Variants in HDAC10 observed in about 807,000 individuals in gnomAD.
HDAC10 encodes the protein histone deacetylase 10.
In HDAC10, 90 loss-of-function variants were observed where a neutral mutation model predicts 82.3. The observed-to-expected ratio is 1.09, with a 90% confidence interval of 0.92 to 1.30. The LOEUF (loss-of-function observed/expected upper bound fraction) is 1.30. Ranked by LOEUF, HDAC10 falls within the 50% of genes most tolerant of loss-of-function variation. HDAC10 has a pLI of 0.00. For synonymous variants in HDAC10, 456 were observed against 391.7 expected (o/e 1.16, Z -1.94); for missense variants, 934 against 876.3 (o/e 1.07, Z -0.83).
At chr22:50,247,136 A>T (rs75212676) in intron 14 of HDAC10, 170 bp from the exon 15 acceptor site, 30 of 453,406 alleles carry the variant, frequency 6.6e-5, no homozygotes, top group Non-Finnish European at 1.0e-4. Context: ...TTACGTCTAT[A>T]ATTTTTTTTT....
chr22:50,250,424 C>G lies in HDAC10; in HGVS notation c.291+3G>C. On this transcript the variant is annotated splice_donor_region_variant and intron_variant, in intron 3 of 19. Transcript: ENST00000216271. ...ACAGGTGAGTGTGTCCGGGGACACG[C>G]ACCGGGTGGAAGTAGATGGCGTCGA... The G allele has an allele frequency of 6.2e-7, 1 of 1,612,684 alleles. No individual in the cohort carries two copies.
In HDAC10 at chr22:50,249,608, A is replaced by T. The variant is rs780700804; in HGVS notation, c.563+27T>A. 2.5e-6 allele frequency: 4 copies of T among 1,612,194 alleles called. No homozygotes were observed. Among genetic ancestry groups the T allele is most frequent in the Non-Finnish European group, 3.4e-6 (4 of 1,179,436 alleles). The stretch of plus-strand genomic sequence containing the variant: ...GCACCCAAAAACTGGGGCTGCAGGG[A>T]AGGGTGGTTTCCGCACCCCTGCTCA... On this transcript the variant is annotated intron_variant, in intron 6 of 19. Transcript: ENST00000216271. The surrounding 1 kb of genome is among the most constrained non-coding windows in gnomAD (Gnocchi z 4.4).
intron 16 of HDAC10, 23 bp from the exon 17 acceptor site, chr22:50,246,399 G>A: frequency 1.3e-6 from 2 of 1,595,062 alleles, no homozygotes; most frequent in East Asian, 2.2e-5. Context: ...AGGTGCATAA[G>A]TGTAAGGCCC....
In HDAC10 at chr22:50,246,351, C is replaced by A. The variant is rs745469522; in HGVS notation, c.1597G>T (p.Gly533Cys). Residue 533 changes from glycine (G) to cysteine (C), a missense_variant, in exon 17 of 20, where the codon GGC becomes TGC. Coordinates refer to ENST00000216271, the MANE Select transcript of HDAC10 (RefSeq NM_032019.6). ...ATGGATAGGGCAGCCGCCTCCTTGC[C>A]CCTGATGTTCAGCCACAGACTCCTC... ...DGRSLWLNIR[G>C]KEAAALSMFH... 2 of 1,612,878 alleles carry A rather than the reference C, an allele frequency of 1.2e-6. No homozygotes were observed. The highest frequency in any genetic ancestry group is 3.3e-5 in the Admixed American group (2 of 60,030).
Position 50,249,999 on chromosome 22 carries a change from G to C in HDAC10, c.390-35C>G. On this transcript the variant is annotated intron_variant, in intron 4 of 19. Transcript: ENST00000216271. The surrounding 1 kb of genome is among the most constrained non-coding windows in gnomAD (Gnocchi z 4.4). ...GAGAGTAGGATTTGGGTCACGTCAG[G>C]GTCGCCCTGGCCCCTCACAGGGCCA... is the stretch of plus-strand genomic sequence containing the variant. 6.2e-7 allele frequency: 1 copy of C among 1,609,502 alleles called. No individual in the cohort carries two copies. The highest frequency in any genetic ancestry group is 8.5e-7 in the Non-Finnish European group (1 of 1,177,090).
At chr22:50,247,137 ATTTT>A (rs35992238) in intron 14 of HDAC10, 171 bp from the exon 15 acceptor site, 50 of 379,538 alleles carry the variant, frequency 1.3e-4, no homozygotes, top group Middle Eastern at 7.0e-4. Flanking sequence ...TACGTCTATA[ATTTT>A]TTTTTTTTTT....
At chr22:50,247,649 C>A (rs766876216) in intron 14 of HDAC10, 43 bp downstream of exon 14, 24 of 1,440,286 alleles carry the variant, frequency 1.7e-5, no homozygotes, top group Non-Finnish European at 2.3e-5. Flanking sequence ...TGGTCCCTGC[C>A]CCTAGGTCCA....
In HDAC10 at chr22:50,246,984, A is replaced by C. The variant is rs1219147724; in HGVS notation, c.1423-18T>G. 1 of 1,550,042 alleles carries C rather than the reference A, an allele frequency of 6.5e-7. No individual in the cohort carries two copies. The highest frequency in any genetic ancestry group is 8.8e-7 in the Non-Finnish European group (1 of 1,136,010). ...CTGTTCACCTGTGGGATGAATAAAC[A>C]GTGGAGAATGAGGCACCAACCAACT... On this transcript the variant is annotated intron_variant, in intron 14 of 19. Coordinates refer to ENST00000216271, the MANE Select transcript of HDAC10 (RefSeq NM_032019.6).
Position 50,246,096 on chromosome 22 carries a change from T to C in HDAC10, c.1651-4A>G, listed in dbSNP as rs1476443775. Reference sequence around the variant, plus strand: ...AGCTCAGGAAACCACCGGTCATCTGTGGGGACAGCAGAGCCCAGCTCCTCA... The same window carrying C: ...AGCTCAGGAAACCACCGGTCATCTGCGGGGACAGCAGAGCCCAGCTCCTCA... On this transcript the variant is annotated splice_region_variant and splice_polypyrimidine_tract_variant and intron_variant, in intron 17 of 19. Transcript: ENST00000216271. 1 of 1,600,310 alleles carries C rather than the reference T, an allele frequency of 6.2e-7. No individual in the cohort carries two copies. The highest frequency in any genetic ancestry group is 1.1e-5 in the South Asian group (1 of 89,964).
In HDAC10 at chr22:50,247,756, C is replaced by G; in HGVS notation, c.1358G>C (p.Arg453Pro). 6.2e-7 allele frequency: 1 copy of G among 1,608,148 alleles called. No individual in the cohort carries two copies. Among genetic ancestry groups the G allele is most frequent in the Non-Finnish European group, 8.5e-7 (1 of 1,176,064 alleles). The stretch of plus-strand genomic sequence containing the variant: ...CCCAAGTGCAGTGAGGGCCTCCTCC[C>G]GGGCCAGGGACTCGTGTGGCCTGTG... ...AWARPHESLA[R>P]EEALTALGKL... Residue 453 changes from arginine (R) to proline (P), a missense_variant, in exon 14 of 20, where the codon CGG (arginine) becomes CCG (proline). Coordinates refer to ENST00000216271, the MANE Select transcript of HDAC10 (RefSeq NM_032019.6).
chr22:50,250,767 T>C lies in HDAC10; in HGVS notation c.194+4A>G. 6.3e-7 allele frequency: 1 copy of C among 1,592,460 alleles called. No homozygotes were observed. Among genetic ancestry groups the C allele is most frequent in the Non-Finnish European group, 8.5e-7 (1 of 1,170,466 alleles). On this transcript the variant is annotated splice_donor_region_variant and intron_variant, in intron 2 of 19. Coordinates refer to ENST00000216271, the MANE Select transcript of HDAC10 (RefSeq NM_032019.6). ...CCCATCGTGGGGCCTGCCCCCGTCC[T>C]GACCTGTGCACCAGGCCCAGCTCCT...
chr22:50,250,988 C>G lies in HDAC10; in HGVS notation c.45G>C (p.Arg15=). Residue 15 remains arginine (R), a synonymous_variant, in exon 1 of 20, where the codon CGG becomes CGC. Transcript: ENST00000216271. ...GTCCCACTTACTCGTCCCAGAGCAGCCGGGTGGCCGTCATGTCCTCATGGT... is the reference window on the plus strand; with the variant it reads ...GTCCCACTTACTCGTCCCAGAGCAGGCGGGTGGCCGTCATGTCCTCATGGT... ...LVYHEDMTAT[R]LLWDDPECEI... 6.2e-7 allele frequency: 1 copy of G among 1,612,588 alleles called. No homozygotes were observed. The highest frequency in any genetic ancestry group is 1.3e-5 in the African/African-American group (1 of 75,062).
At chr22:50,247,625 T>G in intron 14 of HDAC10, 67 bp downstream of exon 14, 1 of 1,156,536 alleles carries the variant, frequency 8.6e-7, no homozygotes, top group Non-Finnish European at 1.2e-6. Context: ...AGGCCACATC[T>G]CGTTGGCAGG....
Position 50,246,292 on chromosome 22 carries a change from A to G in HDAC10, c.1650+6T>C. ...ACCTGCCTTGCCGCGTGGCATGGTC[A>G]CTCACCACTGGCAGTGGCGTGGAGA... On this transcript the variant is annotated splice_donor_region_variant and intron_variant, in intron 17 of 19. Coordinates refer to ENST00000216271, the MANE Select transcript of HDAC10 (RefSeq NM_032019.6). 1.2e-6 allele frequency: 2 copies of G among 1,610,090 alleles called. No individual in the cohort carries two copies. The highest frequency in any genetic ancestry group is 1.7e-6 in the Non-Finnish European group (2 of 1,177,310).
At position 50,250,093 on chromosome 22, in the gene HDAC10, C is replaced by T; in HGVS notation, c.359G>A (p.Gly120Glu). Reference sequence around the variant, plus strand: ...CAGGGCAAGCCCATTTTGCACAGCTCCAGTGAGCACAGCGTCCACCAGCTG... The same window carrying T: ...CAGGGCAAGCCCATTTTGCACAGCTTCAGTGAGCACAGCGTCCACCAGCTG... ...GLQLVDAVLT[G>E]AVQNGLALVR... Residue 120 changes from glycine to glutamate, a missense_variant, in exon 4 of 20, where the codon GGA becomes GAA. Gly to Glu is a moderately conservative substitution (Grantham distance 98). Transcript: ENST00000216271. 1 of 1,612,754 alleles carries T rather than the reference C, an allele frequency of 6.2e-7. No individual in the cohort carries two copies. Among genetic ancestry groups the T allele is most frequent in the South Asian group, 1.1e-5 (1 of 91,088 alleles).
chr22:50,245,210 C>T lies in HDAC10; in HGVS notation c.*297G>A. On this transcript the variant is annotated 3_prime_UTR_variant, in exon 20 of 20. Coordinates refer to ENST00000216271, the MANE Select transcript of HDAC10 (RefSeq NM_032019.6). ...TCGTTTGAGCGATGTTTACTAACGG[C>T]GCAAGGGCGGGGAGCGAAGCGCAGC... is the stretch of plus-strand genomic sequence containing the variant. The T allele has an allele frequency of 1.8e-6, 1 of 559,594 alleles. No homozygotes were observed. Among genetic ancestry groups the T allele is most frequent in the Non-Finnish European group, 3.2e-6 (1 of 316,122 alleles). 34.7% of individuals were successfully genotyped at this position (559,594 alleles called of 1,614,324 possible).
In HDAC10 at chr22:50,250,921, A is replaced by T. The variant is rs1423591976; in HGVS notation, c.60-16T>A. The T allele has an allele frequency of 6.2e-7, 1 of 1,606,212 alleles. No individual in the cohort carries two copies. ...GCACTCGGGGCTGGGGCAGATGAGG[A>T]GCTCAGTTCAGAGGTCCCTCCCCGC... On this transcript the variant is annotated splice_polypyrimidine_tract_variant and intron_variant, in intron 1 of 19. Transcript: ENST00000216271.
Position 50,249,214 on chromosome 22 carries a change from G to A in HDAC10, c.691-46C>T, listed in dbSNP as rs1463374726. ...ACATCCTGAACTGTGGGGCAGGGGAGGGGCCCGGGGGAGGGGGTGGGTGGG... is the reference window on the plus strand; with the variant it reads ...ACATCCTGAACTGTGGGGCAGGGGAAGGGCCCGGGGGAGGGGGTGGGTGGG... On this transcript the variant is annotated intron_variant, in intron 7 of 19. Coordinates refer to ENST00000216271, the MANE Select transcript of HDAC10 (RefSeq NM_032019.6). This position sits in a 1 kb window ranked among gnomAD's most constrained non-coding sequence, Gnocchi z 4.4. 6 of 1,280,398 alleles carry A rather than the reference G, an allele frequency of 4.7e-6. No homozygotes were observed. In the South Asian group the frequency reaches 6.6e-5, roughly 14 times the overall value. The allele number at this position is 1,280,398 out of a possible 1,614,324, so 79.3% of individuals were successfully genotyped here. A position where few individuals can be genotyped will look rare whatever the true frequency, so the allele number is the denominator to read the frequency against.
chr22:50,245,527 G>A lies in HDAC10; in HGVS notation c.1990C>T (p.His664Tyr), dbSNP rs1357115847. Residue 664 changes from histidine (H) to tyrosine (Y), a missense_variant, in exon 20 of 20, where the codon CAT (histidine) becomes TAT (tyrosine). Physicochemically the swap from His to Tyr is moderately conservative, Grantham distance 83. Coordinates refer to ENST00000216271, the MANE Select transcript of HDAC10 (RefSeq NM_032019.6). ...LEPQWKMLQC[H>Y]PHLVA ...CGATTTCAAGCCACCAGGTGAGGATGGCACTACAGGAGGAGCCGAGAAGAG... is the reference window on the plus strand; with the variant it reads ...CGATTTCAAGCCACCAGGTGAGGATAGCACTACAGGAGGAGCCGAGAAGAG... 8 of 940,434 alleles carry A rather than the reference G, an allele frequency of 8.5e-6. No homozygotes were observed. The highest frequency in any genetic ancestry group is 2.1e-4 in the Middle Eastern group (1 of 4,672). The allele number at this position is 940,434 out of a possible 1,614,324, so 58.3% of individuals were successfully genotyped here. A position where few individuals can be genotyped will look rare whatever the true frequency, so the allele number is the denominator to read the frequency against.
Sources: gnomAD v4.1 joint callset for allele counts on GRCh38, gnomAD v4.1.1 for gene constraint, Gnocchi (gnomAD v3.1) non-coding constraint, MANE v1.5 for transcripts, NCBI Gene and HGNC (gene_info 2026-07-23, HGNC 2026-07-21) for gene names.